The following GRM7 variants were observed in gnomAD, a reference collection of about 807,000 sequenced individuals.
GRM7 encodes glutamate metabotropic receptor 7.
In GRM7, 35 loss-of-function variants were observed where a neutral mutation model predicts 84.5. That is an observed-to-expected ratio of 0.41 (90% CI 0.32 to 0.55). GRM7 has a LOEUF of 0.55. Ranked by LOEUF, GRM7 falls within the 20% of genes least tolerant of loss-of-function variation. The pLI is 0.19. For missense variants in GRM7, 1,003 were observed against 1,194.6 expected, an observed-to-expected ratio of 0.84 and a Z score of 2.36; for synonymous variants, 487 against 455.1, an observed-to-expected ratio of 1.07 and a Z score of -0.89.
intron 1 of GRM7, among the ~76,000 whole-genome samples, chr3:6,901,501 G>A (rs1462763802): frequency 6.7e-6 from 1 of 150,366 alleles, no homozygotes; most frequent in African/African-American, 2.4e-5. Flanking sequence ...AGGAGGCTGA[G>A]GCAGGAGAAT....
At chr3:7,715,899 C>T (rs888488785) in intron 9 of GRM7, among the ~76,000 whole-genome samples, 3 of 152,238 alleles carry the variant, frequency 2.0e-5, no homozygotes, top group Non-Finnish European at 2.9e-5. Context: ...TCTCTTCTCC[C>T]ACTCTGCTCA....
intron 1 of GRM7, among the ~76,000 whole-genome samples, chr3:6,974,860 G>A (rs1575087276): frequency 6.6e-6 from 1 of 152,118 alleles, no homozygotes; most frequent in African/African-American, 2.4e-5. Flanking sequence ...GAGTTTTTCT[G>A]GAAAGAGGCA....
intron 4 of GRM7, among the ~76,000 whole-genome samples, chr3:7,349,694 T>G (rs1011884666): frequency 1.3e-5 from 2 of 152,158 alleles, no homozygotes; most frequent in Non-Finnish European, 2.9e-5. Context: ...TTACATGATA[T>G]AAAGCAATCT....
At chr3:7,004,474 C>G (rs796162828) in intron 1 of GRM7, among the ~76,000 whole-genome samples, 7 of 152,186 alleles carry the variant, frequency 4.6e-5, no homozygotes, top group African/African-American at 1.7e-4. Context: ...TAGTGAGAAA[C>G]TTGAACTTCC....
chr3:7,355,956 C>T (rs1187779687), intron 4 of GRM7, among the ~76,000 whole-genome samples: 4 of 152,114 alleles, frequency 2.6e-5, no homozygotes, highest in Non-Finnish European at 4.4e-5. Flanking sequence ...CAGGTGCCAC[C>T]CAGAAGTCAA....
chr3:7,306,274 C>T (rs1028511959), intron 3 of GRM7, among the ~76,000 whole-genome samples: 3 of 151,964 alleles, frequency 2.0e-5, no homozygotes, highest in African/African-American at 4.8e-5. Context: ...ATCTTTTTAT[C>T]TTTTAACAAT....
chr3:7,066,471 C>T (rs191881348), intron 1 of GRM7, among the ~76,000 whole-genome samples: 179 of 151,820 alleles, frequency 1.2e-3, no homozygotes, highest in African/African-American at 3.8e-3. Context: ...TAGCTTAAAT[C>T]GGGAAGAATT....
chr3:7,574,524 G>T (rs1469528869), intron 7 of GRM7, among the ~76,000 whole-genome samples: 1 of 152,206 alleles, frequency 6.6e-6, no homozygotes, highest in Non-Finnish European at 1.5e-5. Flanking sequence ...ACAAATCAAA[G>T]TTCAAAGGCT....
At chr3:7,155,555 G>A (rs1319353249) in intron 2 of GRM7, among the ~76,000 whole-genome samples, 4 of 152,036 alleles carry the variant, frequency 2.6e-5, no homozygotes, top group Admixed American at 2.6e-4. Flanking sequence ...ATTAATAAAT[G>A]GTTGCTTGCA....
rs180693623 is a variant in GRM7 at position 6,940,513 on chromosome 3, T to A, written c.519+78606T>A. 5.0e-4 allele frequency among the ~76,000 whole-genome samples: 76 copies of A among 152,362 alleles called. 1 individual carries two copies. In the East Asian group the frequency reaches 0.013, roughly 26 times the overall value. ...TGCTTCAATAGTGCTATTTTCCAAT[T>A]TTTGATAGTCATATTCAATAAGAAA... On this transcript the variant is annotated intron_variant, in intron 1 of 9. Coordinates refer to ENST00000357716, the MANE Select transcript of GRM7 (RefSeq NM_000844.4).
chr3:7,578,763 C>T lies in GRM7; in HGVS notation c.1857C>T (p.Pro619=), dbSNP rs759743082. Residue 619 remains proline, a synonymous_variant, in exon 8 of 10, where the codon CCC becomes CCT. Transcript: ENST00000357716. ...MATFIRYNDT[P]IVRASGRELS... ...CTTTCATCCGCTACAATGACACGCC[C>T]ATTGTCCGGGCATCTGGGCGGGAAC... 1 of 1,614,036 alleles carries T rather than the reference C, an allele frequency of 6.2e-7. No homozygotes were observed. The highest frequency in any genetic ancestry group is 8.5e-7 in the Non-Finnish European group (1 of 1,179,924).
At chr3:7,139,136 C>A (rs1215273121) in intron 1 of GRM7, among the ~76,000 whole-genome samples, 1 of 147,610 alleles carries the variant, frequency 6.8e-6, no homozygotes, top group African/African-American at 2.5e-5. Flanking sequence ...TATATAGATA[C>A]TATATGAACC....
rs751257349 is a variant in GRM7 at position 7,298,813 on chromosome 3, A to C, written c.866A>C (p.Asp289Ala). Residue 289 changes from aspartate (D) to alanine (A), a missense_variant, in exon 3 of 10, where the codon GAT becomes GCT. By Grantham distance (126) the Asp-to-Ala change is moderately radical. Coordinates refer to ENST00000357716, the MANE Select transcript of GRM7 (RefSeq NM_000844.4). The stretch of plus-strand genomic sequence containing the variant: ...AGGGCCGTCGTGATTTTTGCCAACG[A>C]TGAGGATATAAAGTAAGAATAACTG... ...NSRAVVIFANDEDIKQILAAA... is the reference protein window; with the variant it reads ...NSRAVVIFANAEDIKQILAAA... The C allele has an allele frequency of 5.4e-5, 87 of 1,613,450 alleles. No individual in the cohort carries two copies. The highest frequency in any genetic ancestry group is 6.8e-5 in the Non-Finnish European group (80 of 1,179,598).
At chr3:7,282,089 A>G (rs991879365) in intron 2 of GRM7, among the ~76,000 whole-genome samples, 1 of 152,136 alleles carries the variant, frequency 6.6e-6, no homozygotes, top group Non-Finnish European at 1.5e-5. Flanking sequence ...TCTCTACGAA[A>G]CAAACAAAAA....
At chr3:7,442,943 A>G (rs1024712907) in intron 5 of GRM7, among the ~76,000 whole-genome samples, 11 of 151,538 alleles carry the variant, frequency 7.3e-5, no homozygotes, top group African/African-American at 2.7e-4. Flanking sequence ...AACTAACTTC[A>G]TCTCCTCTCT....
intron 1 of GRM7, among the ~76,000 whole-genome samples, chr3:7,002,247 G>C (rs1166927759): frequency 6.6e-6 from 1 of 152,068 alleles, no homozygotes; most frequent in African/African-American, 2.4e-5. Flanking sequence ...CTGCCACAAA[G>C]GTCTCCCAAG....
chr3:7,703,790 A>T (rs773811353), intron 9 of GRM7, among the ~76,000 whole-genome samples: 17 of 152,198 alleles, frequency 1.1e-4, no homozygotes, highest in Non-Finnish European at 2.4e-4. Flanking sequence ...GCTTAGAGAG[A>T]CTGTGTAAGT....
intron 8 of GRM7, among the ~76,000 whole-genome samples, chr3:7,655,256 C>A (rs187790776): frequency 6.6e-6 from 1 of 152,182 alleles, no homozygotes; most frequent in Non-Finnish European, 1.5e-5. Context: ...GAAGAGAAAA[C>A]AATTTCTTGC....
intron 1 of GRM7, chr3:6,892,654 T>C (rs980178953): frequency 4.6e-5 from 7 of 152,096 alleles, no homozygotes; most frequent in African/African-American, 1.4e-4. Context: ...TAGAATTGTA[T>C]TTGTAGCTGC....
Sources: allele counts gnomAD v4.1 joint callset (sites outside exome capture counted in the v4.1 genomes callset), GRCh38; gene constraint gnomAD v4.1.1; transcripts MANE v1.5; gene names NCBI Gene and HGNC (gene_info 2026-07-23, HGNC 2026-07-21).